Variants in PLB1 observed in about 807,000 individuals in gnomAD.
The protein encoded by PLB1 is phospholipase B1.
A neutral mutation model predicts 227.4 loss-of-function variants in PLB1; 242 were observed. That is an observed-to-expected ratio of 1.06 (90% CI 0.96 to 1.18). The LOEUF is 1.18. Among genes scored for constraint, PLB1 ranks in the 50% most tolerant of loss-of-function variants. The pLI is 0.00. For missense variants in PLB1, 1,858 were observed against 1,816.3 expected (o/e 1.02, Z -0.42); for synonymous variants, 757 against 682.2 (o/e 1.11, Z -1.71).
chr2:28,603,035 T>A (rs1418357506), intron 39 of PLB1, 114 bp downstream of exon 39: 1 of 894,148 alleles, frequency 1.1e-6, no homozygotes, highest in Non-Finnish European at 1.7e-6. Context: ...TGTGTCCAAG[T>A]CTGTAAAGGA....
In PLB1 at chr2:28,625,091, C is replaced by G; in HGVS notation, c.3562C>G (p.Arg1188Gly). The G allele has an allele frequency of 1.9e-6, 3 of 1,613,370 alleles. No homozygotes were observed. The highest frequency in any genetic ancestry group is 2.5e-6 in the Non-Finnish European group (3 of 1,179,592). Residue 1188 changes from arginine to glycine, a missense_variant, in exon 50 of 58, where the codon CGA becomes GGA. Coordinates refer to ENST00000327757, the MANE Select transcript of PLB1 (RefSeq NM_153021.5). ...AGCCCAGGCCTGGGACCTGGTAGAG[C>G]GAATGAAAAACAGCCCCGTGAGTAC... ...MPAQAWDLVE[R>G]MKNSPDINLE... is the part of the protein sequence containing the mutation.
chr2:28,564,282 T>A (rs933356175), intron 18 of PLB1, among the ~76,000 whole-genome samples: 3 of 152,122 alleles, frequency 2.0e-5, no homozygotes, highest in African/African-American at 7.2e-5. Flanking sequence ...CAAGGTGAAG[T>A]GCCTAAGGTC....
At chr2:28,626,817 A>G (rs1239881499) in intron 51 of PLB1, among the ~76,000 whole-genome samples, 1 of 152,114 alleles carries the variant, frequency 6.6e-6, no homozygotes, top group African/African-American at 2.4e-5. Flanking sequence ...CTGGTACCAG[A>G]TAGGGGACTA....
chr2:28,538,192 G>A, intron 9 of PLB1, 127 bp from the exon 10 acceptor site: 2 of 1,065,202 alleles, frequency 1.9e-6, no homozygotes, highest in South Asian at 1.3e-5. Context: ...TTTGTGGAAT[G>A]CCAGGTCTAG....
Position 28,532,163 on chromosome 2 carries a change from G to A in PLB1, c.524G>A (p.Ser175Asn), listed in dbSNP as rs1232238063. 3 of 1,613,062 alleles carry A rather than the reference G, an allele frequency of 1.9e-6. No homozygotes were observed. Among genetic ancestry groups the A allele is most frequent in the Non-Finnish European group, 2.5e-6 (3 of 1,179,682 alleles). ...ATCAATGTGTTCTTCAGTAATGCAAGCCAGTGTTACCTGTGCCCCTCTGCT... is the reference window on the plus strand; with the variant it reads ...ATCAATGTGTTCTTCAGTAATGCAAACCAGTGTTACCTGTGCCCCTCTGCT... Reference protein sequence around the residue: ...KLINVFFSNASQCYLCPSAQQ... With the variant: ...KLINVFFSNANQCYLCPSAQQ... Residue 175 changes from serine to asparagine, a missense_variant, in exon 9 of 58, where the codon AGC (serine) becomes AAC (asparagine). By Grantham distance (46) the Ser-to-Asn change is conservative. Coordinates refer to ENST00000327757, the MANE Select transcript of PLB1 (RefSeq NM_153021.5).
At chr2:28,529,707 T>A in intron 7 of PLB1, 21 bp from the exon 8 acceptor site, 1 of 1,613,370 alleles carries the variant, frequency 6.2e-7, no homozygotes. Context: ...AATTTTTCTC[T>A]GTTTCCCTCC....
intron 56 of PLB1, among the ~76,000 whole-genome samples, chr2:28,635,495 C>T (rs1689182585): frequency 6.6e-6 from 1 of 150,642 alleles, no homozygotes; most frequent in African/African-American, 2.4e-5. Flanking sequence ...CCTGGGCATG[C>T]CACCACCCTC....
At position 28,590,011 on chromosome 2, in the gene PLB1, C is replaced by T. The variant is rs751363350; in HGVS notation, c.2023C>T (p.Pro675Ser). 3 of 1,613,282 alleles carry T rather than the reference C, an allele frequency of 1.9e-6. No homozygotes were observed. In the African/African-American group the frequency reaches 4.0e-5, roughly 22 times the overall value. The change falls in exon 29 of 58, where the codon CCT (proline) becomes TCT (serine). Residue 675 changes from proline to serine, a missense_variant. Transcript: ENST00000327757. ...ASALWNNMLE[P>S]VGQKTTRHKF... ...TCCCTGCTTCTTTGTTTAGCTGGAGCCTGTTGGCCAGAAGACGACTCGTCA... is the reference window on the plus strand; with the variant it reads ...TCCCTGCTTCTTTGTTTAGCTGGAGTCTGTTGGCCAGAAGACGACTCGTCA...
At chr2:28,541,631 A>C in intron 12 of PLB1, 76 bp from the exon 13 acceptor site, 1 of 1,089,040 alleles carries the variant, frequency 9.2e-7, no homozygotes, top group Non-Finnish European at 1.4e-6. Flanking sequence ...GCTGCCGAGA[A>C]TGATTTGGTC....
Position 28,579,722 on chromosome 2 carries a change from A to G in PLB1, c.1566+15A>G, listed in dbSNP as rs746403472. 4 of 1,604,008 alleles carry G rather than the reference A, an allele frequency of 2.5e-6. No individual in the cohort carries two copies. Among genetic ancestry groups the G allele is most frequent in the Non-Finnish European group, 3.4e-6 (4 of 1,171,082 alleles). Reference sequence around the variant, plus strand: ...GCAATGATCTGGTAGGTCTCCAGGCACTTTACTCAAGACTCACCCCCAGAG... The same window carrying G: ...GCAATGATCTGGTAGGTCTCCAGGCGCTTTACTCAAGACTCACCCCCAGAG... On this transcript the variant is annotated intron_variant, in intron 23 of 57. Coordinates refer to ENST00000327757, the MANE Select transcript of PLB1 (RefSeq NM_153021.5).
intron 49 of PLB1, among the ~76,000 whole-genome samples, chr2:28,622,768 C>A (rs1046035288): frequency 1.2e-4 from 18 of 152,278 alleles, no homozygotes; most frequent in Non-Finnish European, 2.5e-4. Flanking sequence ...CGCCTGTAAT[C>A]CCAGCTACTC....
At chr2:28,520,086 G>T (rs972141352) in intron 4 of PLB1, among the ~76,000 whole-genome samples, 9 of 151,938 alleles carry the variant, frequency 5.9e-5, no homozygotes, top group African/African-American at 2.2e-4. Context: ...GCGCCACCAT[G>T]CCTGGCTAGT....
At chr2:28,522,019 T>C (rs1336115850) in intron 4 of PLB1, among the ~76,000 whole-genome samples, 1 of 152,020 alleles carries the variant, frequency 6.6e-6, no homozygotes, top group Non-Finnish European at 1.5e-5. Context: ...ACAGTGCCAG[T>C]CCACTCAATG....
At chr2:28,604,823 G>A in intron 41 of PLB1, 64 bp downstream of exon 41, 3 of 1,448,074 alleles carry the variant, frequency 2.1e-6, no homozygotes, top group Non-Finnish European at 2.9e-6. Flanking sequence ...AGAATTGCCA[G>A]TTGCTTCCAC....
At position 28,539,109 on chromosome 2, in the gene PLB1, C is replaced by T. The variant is rs760917601; in HGVS notation, c.629C>T (p.Ala210Val). 9.3e-6 allele frequency: 15 copies of T among 1,613,356 alleles called. No individual in the cohort carries two copies. The highest frequency in any genetic ancestry group is 8.9e-5 in the East Asian group (4 of 44,880). ...LDYLQQEVPR[A>V]FVNLVDLSEV... is the part of the protein sequence containing the mutation. The stretch of plus-strand genomic sequence containing the variant: ...TGTGTGTCCTCCTAGGTCCCCAGAG[C>T]ATTTGTAAACCTGGTGGACCTCTCT... The change falls in exon 11 of 58, where the codon GCA becomes GTA. Residue 210 changes from alanine to valine, a missense_variant. Transcript: ENST00000327757.
At position 28,626,491 on chromosome 2, in the gene PLB1, C is replaced by T; in HGVS notation, c.3643C>T (p.His1215Tyr). 2 of 1,614,100 alleles carry T rather than the reference C, an allele frequency of 1.2e-6. No homozygotes were observed. Among genetic ancestry groups the T allele is most frequent in the South Asian group, 2.2e-5 (2 of 91,082 alleles). ...TLFIGVNDLC[H>Y]YCENPEAHLA... ...CTTCATTGGGGTCAACGACTTGTGT[C>T]ATTACTGTGAGAATCCGGTAGGCCC... Residue 1215 changes from histidine to tyrosine, a missense_variant, in exon 51 of 58, where the codon CAT becomes TAT. By Grantham distance (83) the His-to-Tyr change is moderately conservative. Transcript: ENST00000327757.
At chr2:28,624,396 CT>C (rs1385499761) in intron 49 of PLB1, among the ~76,000 whole-genome samples, 3 of 124,134 alleles carry the variant, frequency 2.4e-5, no homozygotes, top group Non-Finnish European at 5.1e-5. Flanking sequence ...TAGTTCGTCC[CT>C]TTTTATGGCT....
In PLB1 at chr2:28,620,346, T is replaced by C. The variant is rs1394065791; in HGVS notation, c.3383+14T>C. On this transcript the variant is annotated intron_variant, in intron 47 of 57. Coordinates refer to ENST00000327757, the MANE Select transcript of PLB1 (RefSeq NM_153021.5). ...ACTCTCTTGGAGGTGAGGATGTTCT[T>C]GATGCATGCTCTATTGATGATGCTC... 6 of 1,584,846 alleles carry C rather than the reference T, an allele frequency of 3.8e-6. No homozygotes were observed. The highest frequency in any genetic ancestry group is 1.8e-5 in the Admixed American group (1 of 57,022).
In PLB1 at chr2:28,572,178, A is replaced by G. The variant is rs536006115; in HGVS notation, c.1325-1019A>G. On this transcript the variant is annotated intron_variant, in intron 20 of 57. Transcript: ENST00000327757. ...GAAAATATGCTCAACATCAGTAGCCATCAGTGGAAATCAAAACCACCATGA... is the reference window on the plus strand; with the variant it reads ...GAAAATATGCTCAACATCAGTAGCCGTCAGTGGAAATCAAAACCACCATGA... Among the ~76,000 whole-genome samples, 4 of 152,384 alleles carry G rather than the reference A, an allele frequency of 2.6e-5. No individual in the cohort carries two copies. The East Asian group carries it at 7.7e-4, about 29-fold the overall frequency.
Sources: gnomAD v4.1 joint callset for allele counts (sites outside exome capture counted in the v4.1 genomes callset) on GRCh38, gnomAD v4.1.1 for gene constraint, MANE v1.5 for transcripts, NCBI Gene and HGNC (gene_info 2026-07-23, HGNC 2026-07-21) for gene names.